Variants in FAT3 observed in about 807,000 individuals in gnomAD.
FAT3 encodes the protein FAT atypical cadherin 3, also known as protocadherin Fat 3.
In FAT3, 95 loss-of-function variants were observed where a neutral mutation model predicts 310.2. The observed-to-expected ratio is 0.31, with a 90% CI of 0.26 to 0.36. The LOEUF (loss-of-function observed/expected upper bound fraction) is 0.36. Among genes scored for constraint, FAT3 ranks in the 10% least tolerant of loss-of-function variants. The probability of loss-of-function intolerance (pLI) is 1.00; values close to 1 mark genes in which losing one functional copy is unlikely to be tolerated. For synonymous variants in FAT3, 2,314 were observed against 2,192.9 expected (o/e 1.06, Z -1.54); for missense variants, 5,408 against 5,715.6 (o/e 0.95, Z 1.74).
At chr11:92,274,559 A>G (rs1024648650) in intron 1 of FAT3, among the ~76,000 whole-genome samples, 1 of 152,058 alleles carries the variant, frequency 6.6e-6, no homozygotes, top group Admixed American at 6.6e-5. Flanking sequence ...ATTTTAAAGA[A>G]TTTTCAAGTA....
intron 2 of FAT3, among the ~76,000 whole-genome samples, chr11:92,393,589 G>A (rs934216120): frequency 6.6e-6 from 1 of 152,150 alleles, no homozygotes; most frequent in African/African-American, 2.4e-5. Context: ...CTTAGATAGC[G>A]GAGGGGAGGG....
intron 3 of FAT3, among the ~76,000 whole-genome samples, chr11:92,536,395 A>G (rs1954260278): frequency 6.6e-6 from 1 of 152,174 alleles, no homozygotes; most frequent in South Asian, 2.1e-4. Context: ...GACATGAGAA[A>G]TAAATGTCTT....
intron 2 of FAT3, among the ~76,000 whole-genome samples, chr11:92,500,032 A>T (rs2135269304): frequency 6.6e-6 from 1 of 152,128 alleles, no homozygotes; most frequent in African/African-American, 2.4e-5. Flanking sequence ...TAAATAATGT[A>T]AAATTTAAAA....
intron 1 of FAT3, among the ~76,000 whole-genome samples, chr11:92,311,773 G>C (rs1208188657): frequency 6.6e-6 from 1 of 152,060 alleles, no homozygotes; most frequent in Non-Finnish European, 1.5e-5. Context: ...ATTTAAAGCT[G>C]GTGTCTCTCC....
At chr11:92,398,579 T>G (rs1396131939) in intron 2 of FAT3, among the ~76,000 whole-genome samples, 4 of 152,034 alleles carry the variant, frequency 2.6e-5, no homozygotes, top group African/African-American at 9.7e-5. Context: ...CCTATTAATT[T>G]TATTTTTAAC....
intron 2 of FAT3, among the ~76,000 whole-genome samples, chr11:92,434,430 G>C (rs1243263488): frequency 6.6e-6 from 1 of 152,120 alleles, no homozygotes; most frequent in Non-Finnish European, 1.5e-5. Flanking sequence ...AGAATCCTCA[G>C]ATTGCCATAT....
intron 3 of FAT3, among the ~76,000 whole-genome samples, chr11:92,590,620 A>G (rs1462254130): frequency 6.6e-6 from 1 of 152,196 alleles, no homozygotes; most frequent in African/African-American, 2.4e-5. Context: ...AAGAGGCTAG[A>G]GAAACAAGTA....
chr11:92,615,199 G>A (rs1198674679), intron 3 of FAT3, among the ~76,000 whole-genome samples: 1 of 152,062 alleles, frequency 6.6e-6, no homozygotes, highest in Non-Finnish European at 1.5e-5. Flanking sequence ...GCATTTTCAT[G>A]TGAATTTTAG....
At chr11:92,745,975 A>G (rs1591675974) in intron 4 of FAT3, among the ~76,000 whole-genome samples, 1 of 152,322 alleles carries the variant, frequency 6.6e-6, no homozygotes, top group Non-Finnish European at 1.5e-5. Flanking sequence ...CAATAATGCA[A>G]TGTCTTTGGA....
Position 92,352,264 on chromosome 11 carries a change from C to A in FAT3, c.152C>A (p.Thr51Asn), listed in dbSNP as rs371896202. ...TTCACACATTCCATTTATAATGCTACCGTGTATGAGAACTCAGCAGCAAGG... is the reference window on the plus strand; with the variant it reads ...TTCACACATTCCATTTATAATGCTAACGTGTATGAGAACTCAGCAGCAAGG... The part of the protein sequence containing the change: ...FHFTHSIYNA[T>N]VYENSAARTY... The change falls in exon 2 of 28, where the codon ACC becomes AAC. Residue 51 changes from threonine (T) to asparagine (N), a missense_variant. Physicochemically the swap from Thr to Asn is moderately conservative, Grantham distance 65. Transcript: ENST00000525166. 2.1e-6 allele frequency: 3 copies of A among 1,431,624 alleles called. No individual in the cohort carries two copies. Among genetic ancestry groups the A allele is most frequent in the Non-Finnish European group, 2.8e-6 (3 of 1,064,562 alleles). 88.7% of individuals were successfully genotyped at this position (1,431,624 alleles called of 1,614,324 possible).
intron 2 of FAT3, among the ~76,000 whole-genome samples, chr11:92,516,267 G>A (rs1229570297): frequency 6.6e-6 from 1 of 152,110 alleles, no homozygotes; most frequent in Non-Finnish European, 1.5e-5. Context: ...GAATCCAGCA[G>A]CACATCAAAA....
intron 4 of FAT3, among the ~76,000 whole-genome samples, chr11:92,702,966 G>A (rs1265571872): frequency 6.6e-6 from 1 of 152,194 alleles, no homozygotes; most frequent in Admixed American, 6.5e-5. Flanking sequence ...ACAGCCCAGA[G>A]AATGTGGTTA....
chr11:92,727,128 A>C (rs1350042990), intron 4 of FAT3, among the ~76,000 whole-genome samples: 1 of 152,240 alleles, frequency 6.6e-6, no homozygotes, highest in Non-Finnish European at 1.5e-5. Context: ...ATGTTTTGGT[A>C]AATTTAGCAC....
chr11:92,882,587 C>CCCCCG lies in FAT3; in HGVS notation c.12282-147_12282-146insGCCCC, dbSNP rs1555169680. The CCCCCG allele has an allele frequency of 5.6e-5, 28 of 500,464 alleles. No homozygotes were observed. In the African/African-American group the frequency reaches 6.3e-4, roughly 11 times the overall value. The allele number at this position is 500,464 out of a possible 1,614,324, so 31.0% of individuals were successfully genotyped here. On this transcript the variant is annotated intron_variant, in intron 23 of 27. Coordinates refer to ENST00000525166, the MANE Select transcript of FAT3 (RefSeq NM_001367949.2). ...GAAATGCCTAAATTAACTCCCCCTC[C>CCCCCG]CCCCCCCCACCAACCATCTTTGTCC... is the stretch of plus-strand genomic sequence containing the variant.
intron 3 of FAT3, among the ~76,000 whole-genome samples, chr11:92,612,433 G>C (rs1339557312): frequency 1.3e-5 from 2 of 152,132 alleles, no homozygotes; most frequent in East Asian, 3.9e-4. Flanking sequence ...TGGTTCATTG[G>C]GGAACATAGA....
chr11:92,490,575 T>C (rs1482839641), intron 2 of FAT3, among the ~76,000 whole-genome samples: 2 of 152,086 alleles, frequency 1.3e-5, no homozygotes, highest in Admixed American at 6.6e-5. Flanking sequence ...TTTTTTGCTG[T>C]TGTTGTTGCT....
chr11:92,259,244 G>C (rs948725656), intron 1 of FAT3, among the ~76,000 whole-genome samples: 1 of 152,038 alleles, frequency 6.6e-6, no homozygotes, highest in African/African-American at 2.4e-5. Flanking sequence ...AGTAAGAAAA[G>C]GAAAGAGCAG....
chr11:92,697,372 A>T lies in FAT3; in HGVS notation c.3608-12A>T. On this transcript the variant is annotated splice_polypyrimidine_tract_variant and intron_variant, in intron 3 of 27. Transcript: ENST00000525166. ...AGATATTTAAAAGTCAAATATTCTC[A>T]TTTCTACACAGGTCTGATTACAACA... 6.2e-7 allele frequency: 1 copy of T among 1,613,014 alleles called. No homozygotes were observed. Among genetic ancestry groups the T allele is most frequent in the Non-Finnish European group, 8.5e-7 (1 of 1,179,352 alleles).
At chr11:92,341,921 A>G (rs770753390) in intron 1 of FAT3, among the ~76,000 whole-genome samples, 3 of 152,082 alleles carry the variant, frequency 2.0e-5, no homozygotes, top group African/African-American at 4.8e-5. Flanking sequence ...AGCTAATATT[A>G]TCCCATTTTA....
Sources: gnomAD v4.1 joint callset for allele counts (sites outside exome capture counted in the v4.1 genomes callset) on GRCh38, gnomAD v4.1.1 for gene constraint, MANE v1.5 for transcripts, NCBI Gene and HGNC (gene_info 2026-07-23, HGNC 2026-07-21) for gene names.